Variants in SH3PXD2A observed in about 807,000 individuals in gnomAD.
SH3PXD2A encodes the protein SH3 and PX domains 2A, also known as SH3 and PX domain-containing protein 2A.
In SH3PXD2A, 32 loss-of-function variants were observed where a neutral mutation model predicts 115.2. That is an observed-to-expected ratio of 0.28 (90% CI 0.21 to 0.37). SH3PXD2A has a LOEUF of 0.37. Among genes scored for constraint, SH3PXD2A ranks in the 10% least tolerant of loss-of-function variants. The pLI, the probability that SH3PXD2A is intolerant of heterozygous loss-of-function variation, is 1.00. For synonymous variants in SH3PXD2A, 610 were observed against 629.1 expected (o/e 0.97, Z 0.45); for missense variants, 1,328 against 1,498.7 (o/e 0.89, Z 1.88).
intron 3 of SH3PXD2A, chr10:103,754,497 CAG>C (rs972837010): frequency 2.4e-4 from 36 of 152,304 alleles, no homozygotes; most frequent in Admixed American, 7.2e-4. Context: ...TTCAAAACCA[CAG>C]AGAGTTCATG....
rs1474818477 is a variant in SH3PXD2A at position 103,784,287 on chromosome 10, A to G, written c.153+16995T>C. 6.6e-6 allele frequency among the ~76,000 whole-genome samples: 1 copy of G among 152,206 alleles called. No homozygotes were observed. The highest frequency in any genetic ancestry group is 1.5e-5 in the Non-Finnish European group (1 of 68,038). On this transcript the variant is annotated intron_variant, in intron 2 of 14. Transcript: ENST00000369774. The surrounding 1 kb of genome is among the most constrained non-coding windows in gnomAD (Gnocchi z 4.4). ...GCAGGGGTCGCCCAAGCCTCTGTGC[A>G]TGCCCAAGGCGGTCCTGTCCCACAC...
chr10:103,780,632 C>A (rs929750337), intron 2 of SH3PXD2A, among the ~76,000 whole-genome samples: 3 of 152,188 alleles, frequency 2.0e-5, no homozygotes, highest in African/African-American at 7.2e-5. Flanking sequence ...CTGAGTGGAA[C>A]CCTCAAAGGT....
intron 5 of SH3PXD2A, among the ~76,000 whole-genome samples, chr10:103,699,897 G>A (rs1369835565): frequency 6.6e-6 from 1 of 152,218 alleles, no homozygotes; most frequent in East Asian, 1.9e-4. Context: ...CCTGCCCTGG[G>A]TGAAAAAGCT....
chr10:103,769,778 T>C (rs1383365552), intron 2 of SH3PXD2A, among the ~76,000 whole-genome samples: 1 of 152,166 alleles, frequency 6.6e-6, no homozygotes, highest in Admixed American at 6.5e-5. Flanking sequence ...CATTAATAAT[T>C]GCCTGCTATG....
At position 103,784,562 on chromosome 10, in the gene SH3PXD2A, T is replaced by C. The variant is rs2038962991; in HGVS notation, c.153+16720A>G. On this transcript the variant is annotated intron_variant, in intron 2 of 14. Transcript: ENST00000369774. This position sits in a 1 kb window ranked among gnomAD's most constrained non-coding sequence, Gnocchi z 4.4. ...CTCTCATGCCTGTGATATCATTTTC[T>C]ATAGGATTGAAAACATTCCTAATTA... is the stretch of plus-strand genomic sequence containing the variant. 6.6e-6 allele frequency among the ~76,000 whole-genome samples: 1 copy of C among 152,236 alleles called. No homozygotes were observed. The highest frequency in any genetic ancestry group is 2.4e-5 in the African/African-American group (1 of 41,460).
chr10:103,703,177 C>A (rs1193143569), intron 5 of SH3PXD2A, among the ~76,000 whole-genome samples: 1 of 152,160 alleles, frequency 6.6e-6, no homozygotes, highest in African/African-American at 2.4e-5. Context: ...CTCGGAGGGC[C>A]CCACACTCCT....
At chr10:103,779,658 G>GTGCAAGAAA (rs745713098) in intron 2 of SH3PXD2A, among the ~76,000 whole-genome samples, 6 of 152,172 alleles carry the variant, frequency 3.9e-5, no homozygotes, top group Non-Finnish European at 7.3e-5. Context: ...ACGGAGAGTG[G>GTGCAAGAAA]TGCAAGAAAC....
At chr10:103,819,925 G>A (rs1324357660) in intron 1 of SH3PXD2A, among the ~76,000 whole-genome samples, 2 of 152,110 alleles carry the variant, frequency 1.3e-5, no homozygotes, top group Non-Finnish European at 2.9e-5. Context: ...CCACACTCAG[G>A]ATGCAGTGGA....
rs544634408 is a variant in SH3PXD2A at position 103,630,931 on chromosome 10, A to T, written c.605-3729T>A. ...CCTTACGGTAATCCCCCTTATCCAC[A>T]TGGTATACATTCCGAGACCCCCAGT... On this transcript the variant is annotated intron_variant, in intron 8 of 14. Coordinates refer to ENST00000369774, the MANE Select transcript of SH3PXD2A (RefSeq NM_001394015.1). Among the ~76,000 whole-genome samples the T allele has an allele frequency of 3.9e-5, 6 of 152,218 alleles. No individual in the cohort carries two copies. The East Asian group carries it at 1.2e-3, about 29-fold the overall frequency.
intron 6 of SH3PXD2A, among the ~76,000 whole-genome samples, chr10:103,688,372 G>A (rs1036980004): frequency 6.6e-6 from 1 of 152,190 alleles, no homozygotes; most frequent in African/African-American, 2.4e-5. Context: ...TGCAAGCCCT[G>A]CAGCCAAGGT....
At chr10:103,703,103 G>A (rs575237792) in intron 5 of SH3PXD2A, among the ~76,000 whole-genome samples, 8 of 152,194 alleles carry the variant, frequency 5.3e-5, no homozygotes, top group Middle Eastern at 3.2e-3. Flanking sequence ...TCCCATGGAG[G>A]CCAAGGAGCC....
chr10:103,768,562 G>A (rs1265322763), intron 2 of SH3PXD2A, among the ~76,000 whole-genome samples: 2 of 152,174 alleles, frequency 1.3e-5, no homozygotes, highest in Admixed American at 6.5e-5. Context: ...AGGGCTTGTC[G>A]TGATGGAAGG....
chr10:103,838,759 C>T (rs868718935), intron 1 of SH3PXD2A, among the ~76,000 whole-genome samples: 5 of 152,184 alleles, frequency 3.3e-5, no homozygotes, highest in African/African-American at 4.8e-5. Context: ...GTGCCCACGG[C>T]GGCATCTGGC....
At chr10:103,750,805 T>C (rs2038568733) in intron 3 of SH3PXD2A, among the ~76,000 whole-genome samples, 1 of 152,236 alleles carries the variant, frequency 6.6e-6, no homozygotes, top group South Asian at 2.1e-4. Context: ...CTTTTATTTA[T>C]ATTTAAAATC....
intron 2 of SH3PXD2A, among the ~76,000 whole-genome samples, chr10:103,789,587 C>T (rs1307274717): frequency 6.6e-6 from 1 of 152,154 alleles, no homozygotes; most frequent in African/African-American, 2.4e-5. Flanking sequence ...CAAAGATCCC[C>T]CTTCCCTTCA....
At chr10:103,697,757 C>T (rs1255142976) in intron 5 of SH3PXD2A, among the ~76,000 whole-genome samples, 2 of 152,192 alleles carry the variant, frequency 1.3e-5, no homozygotes, top group Non-Finnish European at 2.9e-5. Context: ...ACACGCTGTG[C>T]TCCCTCCCCG....
intron 6 of SH3PXD2A, among the ~76,000 whole-genome samples, chr10:103,681,896 G>T (rs2037615529): frequency 6.6e-6 from 1 of 152,190 alleles, no homozygotes; most frequent in African/African-American, 2.4e-5. Context: ...TGGGCAATAT[G>T]GTGAAACCCT....
intron 1 of SH3PXD2A, among the ~76,000 whole-genome samples, chr10:103,847,688 C>T (rs1474060599): frequency 6.6e-6 from 1 of 152,114 alleles, no homozygotes; most frequent in African/African-American, 2.4e-5. Flanking sequence ...CTTGTAATCC[C>T]AGCACTTTGG....
chr10:103,655,917 A>G (rs1350777267), intron 8 of SH3PXD2A, among the ~76,000 whole-genome samples: 6 of 152,206 alleles, frequency 3.9e-5, no homozygotes, highest in Non-Finnish European at 8.8e-5. Flanking sequence ...CAATTAGCAC[A>G]AAGTATTCAA....
Sources: allele counts gnomAD v4.1 joint callset (sites outside exome capture counted in the v4.1 genomes callset), GRCh38; gene constraint gnomAD v4.1.1; non-coding constraint Gnocchi (gnomAD v3.1); transcripts MANE v1.5; gene names NCBI Gene and HGNC (gene_info 2026-07-23, HGNC 2026-07-21).